The following PSD3 variants were observed in gnomAD, a reference collection of about 807,000 sequenced individuals.
The protein encoded by PSD3 is PH and SEC7 domain-containing protein 3.
PSD3 carries 49 observed loss-of-function variants against 105.5 expected under a neutral mutation model. The observed-to-expected ratio is 0.46, with a 90% CI of 0.37 to 0.59. The LOEUF is 0.59. PSD3 is among the 20% of genes least tolerant of loss of function. PSD3 has a pLI of 0.00. For synonymous variants in PSD3, 557 were observed against 457.8 expected (o/e 1.22, Z -2.77); for missense variants, 1,561 against 1,263.8 (o/e 1.24, Z -3.57).
intron 8 of PSD3, among the ~76,000 whole-genome samples, chr8:18,766,770 T>C (rs147839681): frequency 3.3e-4 from 50 of 152,366 alleles, no homozygotes; most frequent in Non-Finnish European, 1.5e-4. Context: ...CATTATCTTG[T>C]GACCACTGGG....
At chr8:18,946,826 A>T (rs928748750) in intron 1 of PSD3, among the ~76,000 whole-genome samples, 2 of 148,086 alleles carry the variant, frequency 1.4e-5, no homozygotes, top group African/African-American at 5.0e-5. Flanking sequence ...AATTGCTTGA[A>T]CCTGGGAGAC....
intron 1 of PSD3, among the ~76,000 whole-genome samples, chr8:19,021,572 A>C (rs1024600119): frequency 1.7e-4 from 25 of 150,668 alleles, no homozygotes; most frequent in South Asian, 4.2e-4. Context: ...AAAAAAAAAA[A>C]CCCATAGCTT....
chr8:18,582,111 T>G (rs2130419526), intron 12 of PSD3, among the ~76,000 whole-genome samples: 1 of 152,198 alleles, frequency 6.6e-6, no homozygotes, highest in East Asian at 1.9e-4. Flanking sequence ...ACCGGGGACT[T>G]ATTATTTTCA....
At chr8:18,780,926 T>G (rs1808562653) in intron 8 of PSD3, among the ~76,000 whole-genome samples, 1 of 152,240 alleles carries the variant, frequency 6.6e-6, no homozygotes, top group African/African-American at 2.4e-5. Context: ...AGGGCTCCCT[T>G]GACCTCTTCT....
At chr8:18,880,230 G>A (rs1301994321) in intron 2 of PSD3, among the ~76,000 whole-genome samples, 1 of 152,074 alleles carries the variant, frequency 6.6e-6, no homozygotes, top group Non-Finnish European at 1.5e-5. Flanking sequence ...ATTGTTTTAA[G>A]ATTTTTTAAG....
At chr8:18,605,460 T>A (rs980697263) in intron 11 of PSD3, among the ~76,000 whole-genome samples, 1 of 152,136 alleles carries the variant, frequency 6.6e-6, no homozygotes, top group African/African-American at 2.4e-5. Flanking sequence ...AGTAACTAAC[T>A]TGTTTTTGAT....
chr8:18,950,827 G>A (rs1823190528), intron 1 of PSD3, among the ~76,000 whole-genome samples: 3 of 152,046 alleles, frequency 2.0e-5, no homozygotes, highest in Admixed American at 6.6e-5. Context: ...AGAGTTTATC[G>A]GCCTCACCCA....
intron 4 of PSD3, among the ~76,000 whole-genome samples, chr8:18,859,626 C>T (rs527977755): frequency 7.2e-5 from 11 of 152,262 alleles, no homozygotes; most frequent in Non-Finnish European, 1.2e-4. Context: ...GGATAACTCA[C>T]TGCAGCTTCT....
chr8:18,774,571 T>A (rs982911277), intron 8 of PSD3: 1 of 341,184 alleles, frequency 2.9e-6, no homozygotes, highest in Non-Finnish European at 5.6e-6. Flanking sequence ...CTTACTTCTG[T>A]CGTTGGTACA....
At chr8:18,795,429 C>T (rs1810089781) in intron 8 of PSD3, among the ~76,000 whole-genome samples, 1 of 152,212 alleles carries the variant, frequency 6.6e-6, no homozygotes, top group African/African-American at 2.4e-5. Context: ...CTGGACAAAA[C>T]TGCTACTGAA....
intron 9 of PSD3, among the ~76,000 whole-genome samples, chr8:18,745,476 G>C (rs1442021178): frequency 6.6e-6 from 1 of 152,144 alleles, no homozygotes; most frequent in Non-Finnish European, 1.5e-5. Flanking sequence ...CTCCAGGTTG[G>C]CTAGGTTGGC....
intron 14 of PSD3, among the ~76,000 whole-genome samples, chr8:18,566,991 A>G (rs149509019): frequency 2.6e-5 from 4 of 152,222 alleles, no homozygotes; most frequent in Non-Finnish European, 5.9e-5. Context: ...ACTTACTAGT[A>G]TACAGTCCCT....
At chr8:18,942,008 TA>T (rs1563446520) in intron 1 of PSD3, among the ~76,000 whole-genome samples, 1 of 151,910 alleles carries the variant, frequency 6.6e-6, no homozygotes, top group African/African-American at 2.4e-5. Flanking sequence ...TGTTTAGCTG[TA>T]AAAAAATCAA....
intron 9 of PSD3, among the ~76,000 whole-genome samples, chr8:18,763,864 A>G (rs187592087): frequency 5.6e-4 from 85 of 152,264 alleles, no homozygotes; most frequent in African/African-American, 1.8e-3. Flanking sequence ...CATTTTCGGT[A>G]TCATTTCACT....
chr8:19,034,375 A>T (rs929128603), intron 1 of PSD3, among the ~76,000 whole-genome samples: 2 of 152,176 alleles, frequency 1.3e-5, no homozygotes, highest in Admixed American at 1.3e-4. Flanking sequence ...TGGACCTGGA[A>T]ATCATTGATT....
chr8:18,743,044 T>C (rs755606275), intron 9 of PSD3, among the ~76,000 whole-genome samples: 1 of 152,202 alleles, frequency 6.6e-6, no homozygotes, highest in African/African-American at 2.4e-5. Flanking sequence ...ATAGTTTTCA[T>C]GGCTGGTTTT....
chr8:19,005,210 T>C (rs991424546), intron 1 of PSD3, among the ~76,000 whole-genome samples: 1 of 151,990 alleles, frequency 6.6e-6, no homozygotes, highest in African/African-American at 2.4e-5. Flanking sequence ...CATCAACTGA[T>C]GAACGGATAA....
At chr8:18,856,597 C>G (rs1399097283) in intron 4 of PSD3, among the ~76,000 whole-genome samples, 3 of 152,198 alleles carry the variant, frequency 2.0e-5, no homozygotes, top group African/African-American at 7.2e-5. Context: ...TTTCTCTATA[C>G]TAAAGACTTT....
chr8:18,738,823 G>GA (rs527706318), intron 9 of PSD3, among the ~76,000 whole-genome samples: 44 of 148,628 alleles, frequency 3.0e-4, no homozygotes, highest in African/African-American at 1.1e-3. Context: ...CACCCGCTCC[G>GA]AAAAAAAAAA....
Sources: gnomAD v4.1 joint callset for allele counts (sites outside exome capture counted in the v4.1 genomes callset) on GRCh38, gnomAD v4.1.1 for gene constraint, MANE v1.5 for transcripts, NCBI Gene and HGNC (gene_info 2026-07-23, HGNC 2026-07-21) for gene names.